Variants in YPEL2 observed in about 807,000 individuals in gnomAD.
YPEL2 encodes protein yippee-like 2.
In YPEL2, 2 loss-of-function variants were observed where a neutral mutation model predicts 19.1. That is an observed-to-expected ratio of 0.10 (90% CI 0.04 to 0.33). The LOEUF is 0.33. YPEL2 is among the 10% of genes least tolerant of loss of function. The probability of loss-of-function intolerance (pLI) is 1.00; values close to 1 mark genes in which losing one functional copy is unlikely to be tolerated. For missense variants in YPEL2, 66 were observed against 140.7 expected (o/e 0.47, Z 2.68); for synonymous variants, 52 against 50.0 (o/e 1.04, Z -0.17).
At chr17:59,380,396 A>G (rs1329227358) in intron 2 of YPEL2, among the ~76,000 whole-genome samples, 2 of 149,448 alleles carry the variant, frequency 1.3e-5, no homozygotes, top group African/African-American at 4.9e-5. Flanking sequence ...CAGCCTCCCA[A>G]GTAGCTGGGA....
intron 4 of YPEL2, among the ~76,000 whole-genome samples, chr17:59,391,231 A>C (rs1479876819): frequency 6.6e-6 from 1 of 152,162 alleles, no homozygotes; most frequent in East Asian, 1.9e-4. Context: ...AGGAGTTGTC[A>C]AACCTGCCGC....
At chr17:59,390,756 A>G (rs1846113127) in intron 4 of YPEL2, among the ~76,000 whole-genome samples, 1 of 152,194 alleles carries the variant, frequency 6.6e-6, no homozygotes, top group African/African-American at 2.4e-5. Flanking sequence ...TGGGGTCACC[A>G]CATAACCATA....
chr17:59,373,093 A>G (rs190627187), intron 2 of YPEL2, among the ~76,000 whole-genome samples: 17 of 152,130 alleles, frequency 1.1e-4, no homozygotes, highest in African/African-American at 3.4e-4. Context: ...GCTGGTCTTG[A>G]ACTGACCTCG....
At chr17:59,389,288 T>C in intron 3 of YPEL2, 72 bp from the exon 4 acceptor site, 2 of 1,399,606 alleles carry the variant, frequency 1.4e-6, no homozygotes, top group Admixed American at 1.9e-5. Flanking sequence ...TAATTTTTGC[T>C]GGAAGCTCAG....
intron 2 of YPEL2, 21 bp from the exon 3 acceptor site, chr17:59,388,306 A>G (rs901496507): frequency 6.2e-7 from 1 of 1,613,932 alleles, no homozygotes; most frequent in Non-Finnish European, 8.5e-7. Flanking sequence ...CTAACTATCG[A>G]TTTGTTTTCT....
chr17:59,349,824 C>T (rs1433932806), intron 1 of YPEL2, among the ~76,000 whole-genome samples: 1 of 152,096 alleles, frequency 6.6e-6, no homozygotes, highest in Non-Finnish European at 1.5e-5. Flanking sequence ...CCATGCCCGG[C>T]TAATTTTTGT....
At chr17:59,338,359 G>A (rs888090133) in intron 1 of YPEL2, among the ~76,000 whole-genome samples, 2 of 152,208 alleles carry the variant, frequency 1.3e-5, no homozygotes, top group African/African-American at 2.4e-5. Context: ...TACCTGATAC[G>A]AAATTTTTAG....
chr17:59,378,055 G>A (rs11658583), intron 2 of YPEL2, among the ~76,000 whole-genome samples: 180 of 152,248 alleles, frequency 1.2e-3, no homozygotes, highest in Middle Eastern at 3.4e-3. Flanking sequence ...ACTGGCCCAA[G>A]GTTTATACAG....
chr17:59,372,692 A>G (rs1464530962), intron 2 of YPEL2, among the ~76,000 whole-genome samples: 2 of 152,228 alleles, frequency 1.3e-5, no homozygotes, highest in Admixed American at 1.3e-4. Flanking sequence ...GACAATGCTC[A>G]CCACACAAAG....
chr17:59,343,046 G>T (rs553578870), intron 1 of YPEL2, among the ~76,000 whole-genome samples: 1 of 152,186 alleles, frequency 6.6e-6, no homozygotes, highest in Non-Finnish European at 1.5e-5. Flanking sequence ...TCAGAGGCTT[G>T]TGTGGTGTGG....
chr17:59,383,124 G>A (rs981936440), intron 2 of YPEL2, among the ~76,000 whole-genome samples: 1 of 152,148 alleles, frequency 6.6e-6, no homozygotes, highest in Non-Finnish European at 1.5e-5. Context: ...GGAATTGAGT[G>A]TGCAGGCATA....
At chr17:59,371,788 A>G (rs1173960557) in intron 2 of YPEL2, among the ~76,000 whole-genome samples, 1 of 152,236 alleles carries the variant, frequency 6.6e-6, no homozygotes, top group African/African-American at 2.4e-5. Context: ...TATCTTTAGT[A>G]ACAAATGAGA....
intron 1 of YPEL2, among the ~76,000 whole-genome samples, chr17:59,349,707 C>G (rs1199086949): frequency 6.6e-6 from 1 of 152,100 alleles, no homozygotes; most frequent in Non-Finnish European, 1.5e-5. Flanking sequence ...TGTCACCAGA[C>G]TGGAGTGCAG....
At position 59,341,346 on chromosome 17, in the gene YPEL2, C is replaced by T. The variant is rs550526845; in HGVS notation, c.-196+9522C>T. 9.1e-5 allele frequency among the ~76,000 whole-genome samples: 13 copies of T among 142,494 alleles called. No individual in the cohort carries two copies. In the East Asian group the frequency reaches 2.6e-3, roughly 29 times the overall value. The allele number at this position is 142,494 out of a possible 152,430, so 93.5% of individuals were successfully genotyped here. A position where few individuals can be genotyped will look rare whatever the true frequency, so the allele number is the denominator to read the frequency against. ...GGCGGAGCTTGCAATGAGCGGAGAT[C>T]GCACCACTGCACTCCAGCCTGGGCT... On this transcript the variant is annotated intron_variant, in intron 1 of 4. Transcript: ENST00000312655.
chr17:59,357,413 T>C (rs142798706), intron 2 of YPEL2, among the ~76,000 whole-genome samples: 188 of 152,244 alleles, frequency 1.2e-3, no homozygotes, highest in African/African-American at 4.0e-3. Context: ...GGGGAAAAAC[T>C]CTTGAATTGA....
intron 2 of YPEL2, among the ~76,000 whole-genome samples, chr17:59,359,939 G>A (rs1214167492): frequency 6.6e-6 from 1 of 152,154 alleles, no homozygotes; most frequent in Non-Finnish European, 1.5e-5. Flanking sequence ...TCACTCTGTT[G>A]CCCAGGCTGG....
At chr17:59,372,954 A>G (rs954889034) in intron 2 of YPEL2, among the ~76,000 whole-genome samples, 1 of 152,104 alleles carries the variant, frequency 6.6e-6, no homozygotes, top group East Asian at 1.9e-4. Context: ...GCTCACTGCA[A>G]CCTCTGCCTC....
At chr17:59,350,060 A>C (rs1598030401) in intron 1 of YPEL2, among the ~76,000 whole-genome samples, 1 of 150,672 alleles carries the variant, frequency 6.6e-6, no homozygotes, top group East Asian at 2.0e-4. Context: ...ATATTTCAGC[A>C]AGCCGCTTTT....
intron 2 of YPEL2, among the ~76,000 whole-genome samples, chr17:59,370,818 AACTCCCT>A (rs1329548291): frequency 6.6e-6 from 1 of 152,214 alleles, no homozygotes; most frequent in African/African-American, 2.4e-5. Context: ...TTTGCTGATT[AACTCCCT>A]TCTCTGCTGA....
Sources: allele counts gnomAD v4.1 joint callset (sites outside exome capture counted in the v4.1 genomes callset), GRCh38; gene constraint gnomAD v4.1.1; transcripts MANE v1.5; gene names NCBI Gene and HGNC (gene_info 2026-07-23, HGNC 2026-07-21).